Variants in CSN1S1 observed in about 807,000 individuals in gnomAD.
CSN1S1 encodes alpha-S1-casein.
CSN1S1 carries 63 observed loss-of-function variants against 49.1 expected under a neutral mutation model. The ratio of observed to expected loss-of-function variants is 1.28; its 90% CI spans 1.05 to 1.58. The LOEUF (loss-of-function observed/expected upper bound fraction) is 1.58. Among genes scored for constraint, CSN1S1 ranks in the 40% most tolerant of loss-of-function variants. The pLI is 0.00. For missense variants in CSN1S1, 260 were observed against 224.7 expected, an observed-to-expected ratio of 1.16 and a Z score of -1.01; for synonymous variants, 78 against 67.1, an observed-to-expected ratio of 1.16 and a Z score of -0.79.
chr4:69,932,732 G>A (rs1722647924), intron 2 of CSN1S1, 126 bp downstream of exon 2: 42 of 814,450 alleles, frequency 5.2e-5, no homozygotes, highest in South Asian at 5.1e-4. Flanking sequence ...GGCCTCTGAA[G>A]TCTTGACAAT....
chr4:69,940,094 T>C, intron 11 of CSN1S1, 50 bp downstream of exon 11: 1 of 834,486 alleles, frequency 1.2e-6, no homozygotes. Flanking sequence ...TCCAGGATAA[T>C]TAAAATGCAC....
At chr4:69,933,934 T>C (rs1560385596) in intron 2 of CSN1S1, among the ~76,000 whole-genome samples, 1 of 152,036 alleles carries the variant, frequency 6.6e-6, no homozygotes, top group Non-Finnish European at 1.5e-5. Context: ...GAATTTTTAC[T>C]TTTTTAAAGA....
intron 3 of CSN1S1, 76 bp downstream of exon 3, chr4:69,934,320 C>G: frequency 7.3e-7 from 1 of 1,367,216 alleles, no homozygotes; most frequent in Non-Finnish European, 1.0e-6. Context: ...CTTCCCTTCT[C>G]TATGAAACAG....
At chr4:69,942,465 G>T in intron 13 of CSN1S1, 71 bp from the exon 14 acceptor site, 1 of 1,165,746 alleles carries the variant, frequency 8.6e-7, no homozygotes, top group Non-Finnish European at 1.3e-6. Flanking sequence ...TATACTTCTG[G>T]TGCAATGTAA....
At chr4:69,941,189 C>T (rs1722959740) in intron 12 of CSN1S1, 129 bp downstream of exon 12, 2 of 467,286 alleles carry the variant, frequency 4.3e-6, no homozygotes, top group Non-Finnish European at 7.5e-6. Context: ...CTAGCCTTGA[C>T]CAATAATTGG....
intron 9 of CSN1S1, 36 bp downstream of exon 9, chr4:69,937,859 C>G (rs757676717): frequency 6.6e-7 from 1 of 1,511,614 alleles, no homozygotes; most frequent in African/African-American, 1.4e-5. Flanking sequence ...TCTACACTTA[C>G]GTATCAAACA....
chr4:69,942,042 C>A lies in CSN1S1; in HGVS notation c.343-4C>A. 2 of 1,464,866 alleles carry A rather than the reference C, an allele frequency of 1.4e-6. No individual in the cohort carries two copies. Among genetic ancestry groups the A allele is most frequent in the East Asian group, 2.5e-5 (1 of 40,738 alleles). 90.7% of individuals were successfully genotyped at this position (1,464,866 alleles called of 1,614,324 possible). On this transcript the variant is annotated splice_polypyrimidine_tract_variant and splice_region_variant and intron_variant, in intron 12 of 15. Coordinates refer to ENST00000246891, the MANE Select transcript of CSN1S1 (RefSeq NM_001890.2). ...ACTAAAACAGAATGTTTTCTCCTCCCTAGCAAGCTGCCCATGCCCAGGTGA... is the reference window on the plus strand; with the variant it reads ...ACTAAAACAGAATGTTTTCTCCTCCATAGCAAGCTGCCCATGCCCAGGTGA...
chr4:69,937,944 AT>A, intron 9 of CSN1S1, 121 bp downstream of exon 9: 1 of 580,278 alleles, frequency 1.7e-6, no homozygotes, highest in Non-Finnish European at 2.8e-6. Flanking sequence ...GAATTTTAAA[AT>A]GTTAACATTT....
rs189661492 is a variant in CSN1S1, at chr4:69,946,296, A to G, written c.*100A>G. The G allele has an allele frequency of 8.5e-4, 345 of 405,386 alleles. No individual in the cohort carries two copies. The highest frequency in any genetic ancestry group is 6.6e-3 in the African/African-American group (321 of 48,952). The allele number at this position is 405,386 out of a possible 1,614,324, so 25.1% of individuals were successfully genotyped here. On this transcript the variant is annotated 3_prime_UTR_variant, in exon 16 of 16. Coordinates refer to ENST00000246891, the MANE Select transcript of CSN1S1 (RefSeq NM_001890.2). ...TTAGAATAGTAAAATCCCATATTGAAGGAAATTGTTCTTTTTGAGTTATCT... is the reference window on the plus strand; with the variant it reads ...TTAGAATAGTAAAATCCCATATTGAGGGAAATTGTTCTTTTTGAGTTATCT...
At chr4:69,941,904 C>T (rs1722980296) in intron 12 of CSN1S1, 142 bp from the exon 13 acceptor site, 2 of 466,626 alleles carry the variant, frequency 4.3e-6, no homozygotes, top group Non-Finnish European at 3.9e-6. Flanking sequence ...TACTTGTCCT[C>T]CTGAGAGATT....
rs754989292 is a variant in CSN1S1 at position 69,937,124 on chromosome 4, A to G, written c.199A>G (p.Thr67Ala). The G allele has an allele frequency of 3.2e-6, 5 of 1,542,502 alleles. No homozygotes were observed. The Admixed American group carries it at 1.0e-4, about 31-fold the overall frequency. Residue 67 changes from threonine to alanine, a missense_variant, in exon 8 of 16, where the codon ACT becomes GCT. By Grantham distance (58) the Thr-to-Ala change is moderately conservative (BLOSUM62 0). Coordinates refer to ENST00000246891, the MANE Select transcript of CSN1S1 (RefSeq NM_001890.2). ...AACTGATTGACTGTCTTGGCAGGAT[A>G]CTAGGAATGAGTCTACTCAGGTGAG... The part of the protein sequence containing the change: ...REKQTDEIKD[T>A]RNESTQNCVV...
At chr4:69,946,109 T>A in intron 15 of CSN1S1, 87 bp from the exon 16 acceptor site, 1 of 391,022 alleles carries the variant, frequency 2.6e-6, no homozygotes, top group Non-Finnish European at 4.9e-6. Flanking sequence ...GAAGAGAAAA[T>A]AGTAAAACGT....
chr4:69,936,039 G>A (rs1722769223), intron 5 of CSN1S1, 90 bp downstream of exon 5: 1 of 1,006,606 alleles, frequency 9.9e-7, no homozygotes, highest in Non-Finnish European at 1.5e-6. Flanking sequence ...CTAAAACAAA[G>A]TGAAAGTCAA....
chr4:69,942,935 C>A, intron 14 of CSN1S1, among the ~76,000 whole-genome samples: 1 of 138,320 alleles, frequency 7.2e-6, no homozygotes, highest in East Asian at 2.0e-4. Context: ...AATTTATGTA[C>A]AACATGCTAA....
At chr4:69,943,561 C>T (rs1355277464) in intron 14 of CSN1S1, among the ~76,000 whole-genome samples, 1 of 151,954 alleles carries the variant, frequency 6.6e-6, no homozygotes, top group East Asian at 1.9e-4. Flanking sequence ...CAATAATTTG[C>T]CCTATCCTCA....
At position 69,939,233 on chromosome 4, in the gene CSN1S1, G is replaced by A. The variant is rs750745912; in HGVS notation, c.276+25G>A. On this transcript the variant is annotated intron_variant, in intron 10 of 15. Coordinates refer to ENST00000246891, the MANE Select transcript of CSN1S1 (RefSeq NM_001890.2). ...GGTAAATAATTTTGATATTAATTCT[G>A]TGTCCCAACTAATTTAAAAAATTAT... The A allele has an allele frequency of 6.5e-6, 10 of 1,547,652 alleles. No individual in the cohort carries two copies. In the Admixed American group the frequency reaches 1.7e-4, roughly 27 times the overall value.
chr4:69,939,905 C>A, intron 10 of CSN1S1, 116 bp from the exon 11 acceptor site: 2 of 614,714 alleles, frequency 3.3e-6, no homozygotes, highest in South Asian at 2.1e-5. Context: ...GGGAATTTAT[C>A]ACTAAAATCA....
chr4:69,944,959 C>T lies in CSN1S1; in HGVS notation c.512C>T (p.Thr171Ile), dbSNP rs1361282650. 1.2e-6 allele frequency: 2 copies of T among 1,612,850 alleles called. No individual in the cohort carries two copies. Among genetic ancestry groups the T allele is most frequent in the Non-Finnish European group, 8.5e-7 (1 of 1,179,234 alleles). Reference sequence around the variant, plus strand: ...CCGTTTTCCGACATCTCCAATCCCACTGCTCATGAAAATTATGAAAAAAAT... The same window carrying T: ...CCGTTTTCCGACATCTCCAATCCCATTGCTCATGAAAATTATGAAAAAAAT... ...FPPFSDISNP[T>I]AHENYEKNNV... is the part of the protein sequence containing the mutation. Residue 171 changes from threonine (T) to isoleucine (I), a missense_variant, in exon 15 of 16, where the codon ACT (threonine) becomes ATT (isoleucine). By Grantham distance (89) the Thr-to-Ile change is moderately conservative (BLOSUM62 -1). Coordinates refer to ENST00000246891, the MANE Select transcript of CSN1S1 (RefSeq NM_001890.2).
chr4:69,932,486 C>G, intron 1 of CSN1S1, 58 bp from the exon 2 acceptor site: 1 of 1,463,584 alleles, frequency 6.8e-7, no homozygotes, highest in Non-Finnish European at 9.3e-7. Flanking sequence ...GAATTTTTTT[C>G]AGGAAACAAA....
Sources: allele counts gnomAD v4.1 joint callset (sites outside exome capture counted in the v4.1 genomes callset), GRCh38; gene constraint gnomAD v4.1.1; transcripts MANE v1.5; gene names NCBI Gene and HGNC (gene_info 2026-07-23, HGNC 2026-07-21).